Variants in AMOTL2 observed in about 807,000 individuals in gnomAD.
The protein encoded by AMOTL2 is angiomotin like 2, also known as angiomotin-like protein 2.
A neutral mutation model predicts 78.4 loss-of-function variants in AMOTL2; 33 were observed. That is an observed-to-expected ratio of 0.42 (90% CI 0.32 to 0.56). AMOTL2 has a LOEUF of 0.56. Ranked by LOEUF, AMOTL2 falls within the 20% of genes least tolerant of loss-of-function variation. The pLI is 0.12. For missense variants in AMOTL2, 983 were observed against 1,030.1 expected (o/e 0.95, Z 0.63); for synonymous variants, 422 against 428.8 (o/e 0.98, Z 0.20).
chr3:134,363,828 G>A (rs982349205), intron 5 of AMOTL2, among the ~76,000 whole-genome samples: 1 of 152,196 alleles, frequency 6.6e-6, no homozygotes, highest in Non-Finnish European at 1.5e-5. Context: ...CCCTGGGGGA[G>A]GAAGGGGCCG....
intron 5 of AMOTL2, 41 bp downstream of exon 5, chr3:134,365,776 C>T: frequency 6.4e-7 from 1 of 1,557,002 alleles, no homozygotes; most frequent in Non-Finnish European, 8.8e-7. Context: ...AGTCCCATTG[C>T]CTGCACACAG....
At chr3:134,368,881 C>A (rs1432072132) in intron 2 of AMOTL2, among the ~76,000 whole-genome samples, 1 of 152,140 alleles carries the variant, frequency 6.6e-6, no homozygotes, top group Admixed American at 6.5e-5. Context: ...GCAAGAGGCA[C>A]GGGGAGTCCA....
At chr3:134,372,301 T>C (rs1576589523) in intron 1 of AMOTL2, among the ~76,000 whole-genome samples, 1 of 152,312 alleles carries the variant, frequency 6.6e-6, no homozygotes, top group South Asian at 2.1e-4. Context: ...GGGATGACCT[T>C]GGCAGTCATT....
Position 134,360,365 on chromosome 3 carries a change from C to T in AMOTL2, c.1624G>A (p.Glu542Lys), listed in dbSNP as rs1284920332. ...TCTGACAGTCGCAGGGCGCTGAGCT[C>T]TGGAGACCCACCACTGCCACTGCTA... Reference protein sequence around the residue: ...GGSSGSGGSPELSALRLSEQL... With the variant: ...GGSSGSGGSPKLSALRLSEQL... Residue 542 changes from glutamate (E) to lysine (K), a missense_variant, in exon 7 of 10, where the codon GAG (glutamate) becomes AAG (lysine). Physicochemically the swap from Glu to Lys is moderately conservative, Grantham distance 56. Coordinates refer to ENST00000249883, the MANE Select transcript of AMOTL2 (RefSeq NM_016201.4). 1 of 1,613,746 alleles carries T rather than the reference C, an allele frequency of 6.2e-7. No individual in the cohort carries two copies. Among genetic ancestry groups the T allele is most frequent in the Admixed American group, 1.7e-5 (1 of 60,008 alleles).
chr3:134,361,981 T>A (rs1050367538), intron 5 of AMOTL2, among the ~76,000 whole-genome samples, 174 bp from the exon 6 acceptor site: 1 of 152,232 alleles, frequency 6.6e-6, no homozygotes, highest in Non-Finnish European at 1.5e-5. Flanking sequence ...CCAAGGCTCA[T>A]GTTAAGTCAG....
intron 2 of AMOTL2, among the ~76,000 whole-genome samples, chr3:134,370,195 CTGG>C (rs2017788763): frequency 6.6e-6 from 1 of 152,210 alleles, no homozygotes; most frequent in Non-Finnish European, 1.5e-5. Flanking sequence ...AGCTCCTGCC[CTGG>C]TGTAAGATGC....
chr3:134,363,119 C>A (rs1298084362), intron 5 of AMOTL2, among the ~76,000 whole-genome samples: 1 of 152,144 alleles, frequency 6.6e-6, no homozygotes, highest in African/African-American at 2.4e-5. Flanking sequence ...TCATATAGGA[C>A]AGTGCAAGTT....
At chr3:134,372,530 AACAC>A (rs58443336) in intron 1 of AMOTL2, among the ~76,000 whole-genome samples, 1,964 of 144,428 alleles carry the variant, frequency 0.014, 48 homozygotes, top group African/African-American at 0.046. Flanking sequence ...TATCCTCCCC[AACAC>A]ACACACACAC....
At chr3:134,374,701 C>T (rs953047859), upstream of AMOTL2, 5 of 982,592 alleles carry the variant, frequency 5.1e-6, no homozygotes, top group African/African-American at 5.2e-5. Context: ...GCCCAGCGCC[C>T]TCCAGGCCGC....
At position 134,370,987 on chromosome 3, in the gene AMOTL2, C is replaced by A; in HGVS notation, c.447G>T (p.Glu149Asp). The part of the protein sequence containing the change: ...GSRRQDEALR[E>D]LRHGHVRSLS... ...ACGAGCGCACGTGCCCATGCCTCAG[C>A]TCCCGCAGGGCCTCGTCCTGCCTCC... Residue 149 changes from glutamate (E) to aspartate (D), a missense_variant, in exon 2 of 10, where the codon GAG becomes GAT. Glu to Asp is a conservative substitution (Grantham distance 45). Transcript: ENST00000249883. 2 of 1,604,780 alleles carry A rather than the reference C, an allele frequency of 1.2e-6. No individual in the cohort carries two copies. Among genetic ancestry groups the A allele is most frequent in the Middle Eastern group, 1.7e-4 (1 of 6,048 alleles).
At chr3:134,368,849 A>G (rs918968481) in intron 2 of AMOTL2, among the ~76,000 whole-genome samples, 4 of 152,184 alleles carry the variant, frequency 2.6e-5, no homozygotes, top group Admixed American at 6.5e-5. Context: ...CCAGGGCTCC[A>G]TGTTGAGGGA....
At chr3:134,374,210 C>A in intron 1 of AMOTL2, 132 bp downstream of exon 1, 1 of 982,568 alleles carries the variant, frequency 1.0e-6, no homozygotes, top group Non-Finnish European at 1.2e-6. Flanking sequence ...GGGCGCACTG[C>A]GCCCCGAGGA....
At chr3:134,372,562 C>CACAA (rs2017916832) in intron 1 of AMOTL2, among the ~76,000 whole-genome samples, 1 of 150,548 alleles carries the variant, frequency 6.6e-6, no homozygotes, top group African/African-American at 2.5e-5. Context: ...CACACAAACA[C>CACAA]ACACACACGC....
In AMOTL2 at chr3:134,371,374, C is replaced by T; in HGVS notation, c.60G>A (p.Leu20=). 6.2e-7 allele frequency: 1 copy of T among 1,609,446 alleles called. No homozygotes were observed. The highest frequency in any genetic ancestry group is 8.5e-7 in the Non-Finnish European group (1 of 1,180,006). The change falls in exon 2 of 10, where the codon CTG becomes CTA. Residue 20 remains leucine (L), a synonymous_variant. Coordinates refer to ENST00000249883, the MANE Select transcript of AMOTL2 (RefSeq NM_016201.4). The part of the protein sequence containing the change: ...TVLHRLIQEQ[L]RYGNLTETRT... Reference sequence around the variant, plus strand: ...GCGTCTCAGTCAGGTTGCCGTAGCGCAGCTGCTCCTGGATGAGGCGGTGCA... The same window carrying T: ...GCGTCTCAGTCAGGTTGCCGTAGCGTAGCTGCTCCTGGATGAGGCGGTGCA...
chr3:134,357,850 G>A (rs537867491), intron 9 of AMOTL2, 87 bp from the exon 10 acceptor site: 4 of 1,409,716 alleles, frequency 2.8e-6, no homozygotes, highest in South Asian at 2.3e-5. Context: ...GACAAAGATC[G>A]TTCTTCACCA....
intron 4 of AMOTL2, 82 bp downstream of exon 4, chr3:134,366,201 G>A: frequency 2.6e-6 from 4 of 1,544,616 alleles, no homozygotes; most frequent in Middle Eastern, 1.7e-4. Flanking sequence ...AGAGAATAGA[G>A]ATTCCCAATT....
rs1309270373 is a variant in AMOTL2, at chr3:134,367,587, C to T, written c.951G>A (p.Val317=). The change falls in exon 3 of 10, where the codon GTG becomes GTA. Residue 317 remains valine, a synonymous_variant. Coordinates refer to ENST00000249883, the MANE Select transcript of AMOTL2 (RefSeq NM_016201.4). ...TCTGCAGCCTGGCATTCTCCCTCAG[C>T]ACGGCCTCCATCTGGGCCAGGTGGG... ...GSAHLAQMEA[V]LRENARLQRD... 6.2e-7 allele frequency: 1 copy of T among 1,613,550 alleles called. No individual in the cohort carries two copies. Among genetic ancestry groups the T allele is most frequent in the South Asian group, 1.1e-5 (1 of 91,056 alleles).
Position 134,371,457 on chromosome 3 carries a change from G to T in AMOTL2, c.-24C>A, listed in dbSNP as rs753653161. 2.0e-5 allele frequency: 32 copies of T among 1,594,920 alleles called. No homozygotes were observed. In the South Asian group the frequency reaches 3.5e-4, roughly 18 times the overall value. ...ATGCTTCTTTGGCTTGCACACAGCTGCCTGGACAATGGCCGGTGGCACCTG... is the reference window on the plus strand; with the variant it reads ...ATGCTTCTTTGGCTTGCACACAGCTTCCTGGACAATGGCCGGTGGCACCTG... On this transcript the variant is annotated 5_prime_UTR_variant, in exon 2 of 10. Transcript: ENST00000249883.
rs372993151 is a variant in AMOTL2 at position 134,371,081 on chromosome 3, G to A, written c.353C>T (p.Ala118Val). 8.7e-6 allele frequency: 14 copies of A among 1,610,836 alleles called. No homozygotes were observed. The highest frequency in any genetic ancestry group is 2.7e-5 in the African/African-American group (2 of 75,022). ...TGGCCGGGTCCCTGCCTGCTGGGCC[G>A]CATAGTACTGCGAGTGGGCTTTGGC... Reference protein sequence around the residue: ...EEAKAHSQYYAAQQAGTRPHA... With the variant: ...EEAKAHSQYYVAQQAGTRPHA... The change falls in exon 2 of 10, where the codon GCG (alanine) becomes GTG (valine). Residue 118 changes from alanine (A) to valine (V), a missense_variant. Coordinates refer to ENST00000249883, the MANE Select transcript of AMOTL2 (RefSeq NM_016201.4).
Sources: gnomAD v4.1 joint callset for allele counts (sites outside exome capture counted in the v4.1 genomes callset) on GRCh38, gnomAD v4.1.1 for gene constraint, MANE v1.5 for transcripts, NCBI Gene and HGNC (gene_info 2026-07-23, HGNC 2026-07-21) for gene names.